FARP1: variants seen among roughly 807,000 people sequenced by gnomAD.
The protein encoded by FARP1 is FERM, ARH/RhoGEF and pleckstrin domain protein 1.
In FARP1, 52 loss-of-function variants were observed where a neutral mutation model predicts 128.8. The ratio of observed to expected loss-of-function variants is 0.40; its 90% CI spans 0.32 to 0.51. FARP1 has a LOEUF of 0.51. Ranked by LOEUF, FARP1 falls within the 20% of genes least tolerant of loss-of-function variation. FARP1 has a pLI of 0.45. For missense variants in FARP1, 1,333 were observed against 1,367.9 expected, an observed-to-expected ratio of 0.97 and a Z score of 0.40; for synonymous variants, 580 against 551.8, an observed-to-expected ratio of 1.05 and a Z score of -0.72.
In FARP1 at chr13:98,364,436, C is replaced by G. The variant is rs551829925; in HGVS notation, c.277-959C>G. Among the ~76,000 whole-genome samples, 3 of 152,318 alleles carry G rather than the reference C, an allele frequency of 2.0e-5. No individual in the cohort carries two copies. The East Asian group carries it at 5.8e-4, about 29-fold the overall frequency. On this transcript the variant is annotated intron_variant, in intron 3 of 26. Transcript: ENST00000319562. Reference sequence around the variant, plus strand: ...CAATTTGCATTTCTAGTGCAGATTACTCCTGAACGTCAACAGTTTTCTGTT... The same window carrying G: ...CAATTTGCATTTCTAGTGCAGATTAGTCCTGAACGTCAACAGTTTTCTGTT...
At chr13:98,228,515 G>A (rs1237698881) in intron 2 of FARP1, among the ~76,000 whole-genome samples, 1 of 151,910 alleles carries the variant, frequency 6.6e-6, no homozygotes, top group Non-Finnish European at 1.5e-5. Context: ...TAAAATTCAA[G>A]TTTCCCTACC....
At chr13:98,378,294 T>C (rs898587955) in intron 6 of FARP1, among the ~76,000 whole-genome samples, 2 of 152,234 alleles carry the variant, frequency 1.3e-5, no homozygotes, top group Non-Finnish European at 1.5e-5. Context: ...TAAGACATAA[T>C]ACTGCCACCG....
chr13:98,169,942 C>CT (rs908799887), intron 1 of FARP1, among the ~76,000 whole-genome samples: 4 of 152,282 alleles, frequency 2.6e-5, no homozygotes, highest in Admixed American at 2.6e-4. Context: ...GGAAGATTCT[C>CT]TACTTTCCTA....
rs1594400883 is a variant in FARP1, at chr13:98,322,635, A to G, written c.172-21127A>G. On this transcript the variant is annotated intron_variant, in intron 2 of 26. Coordinates refer to ENST00000319562, the MANE Select transcript of FARP1 (RefSeq NM_005766.4). ...GGAGCTTACATGCTCCTTATTGGAA[A>G]CAGAAGGAAAACTCTTGTGTGATAG... Among the ~76,000 whole-genome samples, 8 of 152,224 alleles carry G rather than the reference A, an allele frequency of 5.3e-5. No homozygotes were observed. In the South Asian group the frequency reaches 1.7e-3, roughly 31 times the overall value.
intron 2 of FARP1, chr13:98,332,255 C>T (rs1290481260): frequency 6.6e-6 from 1 of 152,152 alleles, no homozygotes; most frequent in Admixed American, 6.5e-5. Flanking sequence ...CCTCCACCCC[C>T]AGCCCTACAA....
At chr13:98,440,612 T>C in intron 23 of FARP1, 58 bp from the exon 24 acceptor site, 1 of 1,543,518 alleles carries the variant, frequency 6.5e-7, no homozygotes, top group Non-Finnish European at 8.8e-7. Context: ...TCAGAGTGTA[T>C]CAGGAAGGGG....
chr13:98,302,904 C>A (rs376253360), intron 2 of FARP1, among the ~76,000 whole-genome samples: 3 of 152,064 alleles, frequency 2.0e-5, no homozygotes, highest in African/African-American at 2.4e-5. Context: ...CAGGCCCCAA[C>A]GAGGAGAGCT....
At chr13:98,152,623 C>T (rs75272646) in intron 1 of FARP1, among the ~76,000 whole-genome samples, 23,979 of 152,180 alleles carry the variant, frequency 0.16, 2,383 homozygotes, top group Middle Eastern at 0.26. Flanking sequence ...TATGTGAATT[C>T]ACTTTCTCGT....
intron 2 of FARP1, among the ~76,000 whole-genome samples, chr13:98,267,034 A>AAG (rs58937888): frequency 6.7e-6 from 1 of 148,678 alleles, no homozygotes; most frequent in Non-Finnish European, 1.5e-5. Context: ...AAAAAAAAAA[A>AAG]GGGGTGGTAT....
chr13:98,232,171 A>G (rs1243377420), intron 2 of FARP1, among the ~76,000 whole-genome samples: 1 of 36,536 alleles, frequency 2.7e-5, no homozygotes, highest in Non-Finnish European at 5.5e-5. Context: ...TTTTTTGCTT[A>G]ACTAATGAAT....
rs774845680 is a variant in FARP1 at position 98,335,697 on chromosome 13, CAT to C, written c.172-8063_172-8062del. Among the ~76,000 whole-genome samples, 15 of 152,326 alleles carry C rather than the reference CAT, an allele frequency of 9.8e-5. 1 individual carries two copies. In the East Asian group the frequency reaches 1.7e-3, roughly 18 times the overall value. On this transcript the variant is annotated intron_variant, in intron 2 of 26. Coordinates refer to ENST00000319562, the MANE Select transcript of FARP1 (RefSeq NM_005766.4). Reference sequence around the variant, plus strand: ...ATACACCGCAGCCTCCTCAAGCCATCATAGTTATTAATACCTCTGCCCACCTG... The same window carrying C: ...ATACACCGCAGCCTCCTCAAGCCATCAGTTATTAATACCTCTGCCCACCTG...
At chr13:98,330,736 C>T (rs1887472819) in intron 2 of FARP1, among the ~76,000 whole-genome samples, 1 of 146,922 alleles carries the variant, frequency 6.8e-6, no homozygotes, top group South Asian at 2.2e-4. Flanking sequence ...GCTTGGGCAA[C>T]AGAGTGAGAC....
intron 2 of FARP1, among the ~76,000 whole-genome samples, chr13:98,243,063 A>G (rs1357331493): frequency 6.6e-6 from 1 of 152,178 alleles, no homozygotes; most frequent in African/African-American, 2.4e-5. Flanking sequence ...TTCCATGAGG[A>G]ACTGTGGTTC....
At chr13:98,251,551 C>T (rs370445792) in intron 2 of FARP1, among the ~76,000 whole-genome samples, 11 of 151,950 alleles carry the variant, frequency 7.2e-5, no homozygotes, top group Middle Eastern at 3.4e-3. Flanking sequence ...GGCATGGTGG[C>T]GCACACCTGT....
chr13:98,182,783 T>TA (rs1469062714), intron 1 of FARP1, among the ~76,000 whole-genome samples: 2 of 152,250 alleles, frequency 1.3e-5, no homozygotes, highest in African/African-American at 4.8e-5. Context: ...CAGAATTTCT[T>TA]AGACATTGCT....
At chr13:98,353,443 A>T (rs1473047598) in intron 3 of FARP1, among the ~76,000 whole-genome samples, 1 of 152,188 alleles carries the variant, frequency 6.6e-6, no homozygotes, top group Admixed American at 6.5e-5. Context: ...GAATGGTGCA[A>T]TCTCGGCTCA....
At chr13:98,395,743 C>T in intron 13 of FARP1, 2 of 423,612 alleles carry the variant, frequency 4.7e-6, no homozygotes, top group Non-Finnish European at 8.3e-6. Context: ...CGGAGAATTC[C>T]TTGATGACGA....
chr13:98,144,598 C>T (rs549031642), intron 1 of FARP1, among the ~76,000 whole-genome samples: 30 of 152,338 alleles, frequency 2.0e-4, no homozygotes, highest in Middle Eastern at 3.4e-3. Flanking sequence ...TAGGCAACAT[C>T]TTCAGAGCCA....
At chr13:98,366,744 T>C (rs586890) in intron 4 of FARP1, among the ~76,000 whole-genome samples, 81,510 of 152,128 alleles carry the variant, frequency 0.54, 22,722 homozygotes, top group Non-Finnish European at 0.6. Flanking sequence ...GAATAAGTGG[T>C]GCAGCCTTCT....
Sources: allele counts gnomAD v4.1 joint callset (sites outside exome capture counted in the v4.1 genomes callset), GRCh38; gene constraint gnomAD v4.1.1; transcripts MANE v1.5; gene names NCBI Gene and HGNC (gene_info 2026-07-23, HGNC 2026-07-21).